The following STPG2 variants were observed in gnomAD, a reference collection of about 807,000 sequenced individuals.
STPG2 encodes the protein sperm tail PG-rich repeat containing 2.
In STPG2, 56 loss-of-function variants were observed where a neutral mutation model predicts 54.2. The ratio of observed to expected loss-of-function variants is 1.03; its 90% confidence interval spans 0.83 to 1.29. The LOEUF (loss-of-function observed/expected upper bound fraction) is 1.29. Ranked by LOEUF, STPG2 falls within the 50% of genes most tolerant of loss-of-function variation. The pLI is 0.00. For missense variants in STPG2, 596 were observed against 544.9 expected, an observed-to-expected ratio of 1.09 and a Z score of -0.93; for synonymous variants, 200 against 181.8, an observed-to-expected ratio of 1.10 and a Z score of -0.81.
intron 9 of STPG2, among the ~76,000 whole-genome samples, chr4:97,751,781 G>T (rs1725588490): frequency 6.6e-6 from 1 of 151,686 alleles, no homozygotes; most frequent in South Asian, 2.1e-4. Flanking sequence ...GTCCTCTTCA[G>T]TAAAGGAACT....
intron 10 of STPG2, among the ~76,000 whole-genome samples, chr4:97,581,474 A>G (rs1002352370): frequency 6.6e-6 from 1 of 152,174 alleles, no homozygotes; most frequent in Non-Finnish European, 1.5e-5. Flanking sequence ...CAGATTAGGC[A>G]GTGTAAGTTT....
At chr4:97,701,826 G>A (rs1348142300) in intron 10 of STPG2, among the ~76,000 whole-genome samples, 1 of 152,162 alleles carries the variant, frequency 6.6e-6, no homozygotes, top group African/African-American at 2.4e-5. Flanking sequence ...GTCCATCACA[G>A]TAGCTACGAC....
chr4:97,533,434 A>G (rs920862679), intron 4 of STPG2, among the ~76,000 whole-genome samples: 3 of 152,004 alleles, frequency 2.0e-5, no homozygotes, highest in Non-Finnish European at 4.4e-5. Context: ...TCATTTTATT[A>G]AAGTGTAGTT....
rs546398593 is a variant in STPG2, at chr4:97,840,843, C to T, written c.1134G>A (p.Val378=). ...KHKYMPPRSL[V]AKRKHASFLS... ...GAAAAGAGGCATGTTTTCTTTTAGC[C>T]ACTAAACTACGAGGTGGCATATATT... is the stretch of plus-strand genomic sequence containing the variant. The change falls in exon 9 of 11, where the codon GTG becomes GTA. Residue 378 remains valine, a synonymous_variant. Coordinates refer to ENST00000295268, the MANE Select transcript of STPG2 (RefSeq NM_174952.3). 4 of 1,612,022 alleles carry T rather than the reference C, an allele frequency of 2.5e-6. No individual in the cohort carries two copies. The highest frequency in any genetic ancestry group is 1.1e-5 in the South Asian group (1 of 90,996).
At chr4:97,444,749 G>T (rs1197319694) in intron 4 of STPG2, among the ~76,000 whole-genome samples, 1 of 152,176 alleles carries the variant, frequency 6.6e-6, no homozygotes, top group Non-Finnish European at 1.5e-5. Flanking sequence ...ACTTAAGTAG[G>T]CTGGGTGCAG....
chr4:98,088,805 T>C (rs1009391806), intron 5 of STPG2, among the ~76,000 whole-genome samples: 1 of 152,028 alleles, frequency 6.6e-6, no homozygotes, highest in African/African-American at 2.4e-5. Flanking sequence ...CATTCTTCCA[T>C]CCAACCATTC....
chr4:97,959,148 T>C (rs533463685), intron 7 of STPG2, among the ~76,000 whole-genome samples: 4 of 152,156 alleles, frequency 2.6e-5, no homozygotes, highest in African/African-American at 7.2e-5. Context: ...GAAATCAAGA[T>C]GGAAATTAAA....
At chr4:97,686,370 T>C (rs1382760596) in intron 10 of STPG2, among the ~76,000 whole-genome samples, 1 of 152,194 alleles carries the variant, frequency 6.6e-6, no homozygotes, top group Non-Finnish European at 1.5e-5. Flanking sequence ...AGAAACTCTC[T>C]GGGCATGGCT....
chr4:97,883,312 TGA>T, intron 8 of STPG2, among the ~76,000 whole-genome samples: 1 of 151,798 alleles, frequency 6.6e-6, no homozygotes, highest in South Asian at 2.1e-4. Context: ...TGCTTGAGCC[TGA>T]GAGATCAAGG....
At chr4:98,038,536 A>G (rs1430330068) in intron 5 of STPG2, among the ~76,000 whole-genome samples, 3 of 152,018 alleles carry the variant, frequency 2.0e-5, no homozygotes, top group Non-Finnish European at 4.4e-5. Context: ...CAAATAAGAG[A>G]ATCTCACATC....
At chr4:97,538,160 G>T (rs1224398479) in intron 4 of STPG2, among the ~76,000 whole-genome samples, 2 of 152,222 alleles carry the variant, frequency 1.3e-5, no homozygotes, top group East Asian at 1.9e-4. Flanking sequence ...AAGGAATGCA[G>T]CTCCTCACCA....
chr4:97,514,251 AAG>A (rs1731031207), intron 4 of STPG2, among the ~76,000 whole-genome samples: 1 of 152,082 alleles, frequency 6.6e-6, no homozygotes, highest in Admixed American at 6.6e-5. Flanking sequence ...TGCATTACTG[AAG>A]AGAGAGAGTA....
intron 8 of STPG2, 147 bp downstream of exon 8, chr4:97,943,750 T>G (rs1419519583): frequency 1.9e-6 from 1 of 538,638 alleles, no homozygotes; most frequent in Non-Finnish European, 3.1e-6. Flanking sequence ...TTGTTGAACT[T>G]TAAAAATATA....
chr4:97,488,916 T>C (rs565557170), intron 4 of STPG2, among the ~76,000 whole-genome samples: 2 of 151,776 alleles, frequency 1.3e-5, no homozygotes, highest in South Asian at 4.1e-4. Flanking sequence ...GACAAATAGA[T>C]AGACAGATAG....
chr4:98,095,638 T>G (rs1738834939), intron 5 of STPG2, among the ~76,000 whole-genome samples: 1 of 152,100 alleles, frequency 6.6e-6, no homozygotes, highest in Non-Finnish European at 1.5e-5. Flanking sequence ...TAAATACAAA[T>G]GTGCCCAACA....
intron 8 of STPG2, among the ~76,000 whole-genome samples, chr4:97,865,314 T>A (rs1389953868): frequency 6.6e-6 from 1 of 152,194 alleles, no homozygotes; most frequent in East Asian, 1.9e-4. Flanking sequence ...AAAGAAGACA[T>A]TTATGCAGCC....
intron 10 of STPG2, among the ~76,000 whole-genome samples, chr4:97,652,950 G>A (rs1722111838): frequency 6.6e-6 from 1 of 151,948 alleles, no homozygotes; most frequent in Admixed American, 6.6e-5. Flanking sequence ...ATATAATGCA[G>A]TGATTCCTCA....
chr4:97,722,730 T>A (rs1194301444), intron 9 of STPG2, among the ~76,000 whole-genome samples: 1 of 151,906 alleles, frequency 6.6e-6, no homozygotes, highest in Non-Finnish European at 1.5e-5. Flanking sequence ...TCATTTTCTT[T>A]TGGGATATCT....
intron 4 of STPG2, among the ~76,000 whole-genome samples, chr4:97,520,574 C>G (rs1731159926): frequency 6.6e-6 from 1 of 152,040 alleles, no homozygotes; most frequent in Non-Finnish European, 1.5e-5. Flanking sequence ...TAAATTTCCT[C>G]TGTGTATATA....
Sources: gnomAD v4.1 joint callset for allele counts (sites outside exome capture counted in the v4.1 genomes callset) on GRCh38, gnomAD v4.1.1 for gene constraint, MANE v1.5 for transcripts, NCBI Gene and HGNC (gene_info 2026-07-23, HGNC 2026-07-21) for gene names.